Variants in CNTN5 observed in about 807,000 individuals in gnomAD.
The protein encoded by CNTN5 is contactin-5.
CNTN5 carries 77 observed loss-of-function variants against 129.1 expected under a neutral mutation model. That is an observed-to-expected ratio of 0.60 (90% CI 0.50 to 0.72). The LOEUF (loss-of-function observed/expected upper bound fraction) is 0.72. Among genes scored for constraint, CNTN5 ranks in the 30% least tolerant of loss-of-function variants. The pLI is 0.00. For synonymous variants in CNTN5, 509 were observed against 465.6 expected (o/e 1.09, Z -1.20); for missense variants, 1,478 against 1,328.8 (o/e 1.11, Z -1.75).
chr11:99,240,290 T>C (rs116479979), intron 1 of CNTN5, among the ~76,000 whole-genome samples: 2 of 152,094 alleles, frequency 1.3e-5, no homozygotes, highest in African/African-American at 2.4e-5. Context: ...AAAAAATCTA[T>C]TCAGTGTGTG....
At chr11:99,956,716 C>T (rs1315927079) in intron 7 of CNTN5, 90 bp from the exon 8 acceptor site, 1 of 873,552 alleles carries the variant, frequency 1.1e-6, no homozygotes, top group Non-Finnish European at 1.9e-6. Flanking sequence ...TGCAATATAT[C>T]TAATGCTTTC....
intron 3 of CNTN5, among the ~76,000 whole-genome samples, chr11:99,703,892 G>A (rs553809801): frequency 2.0e-5 from 3 of 151,128 alleles, no homozygotes; most frequent in South Asian, 4.1e-4. Context: ...TATATAAAAT[G>A]TATGATATAT....
At chr11:99,767,988 G>T (rs998838360) in intron 3 of CNTN5, among the ~76,000 whole-genome samples, 2 of 152,012 alleles carry the variant, frequency 1.3e-5, no homozygotes, top group African/African-American at 4.8e-5. Context: ...CTTGTCATCT[G>T]CTTCTATCAG....
At chr11:99,599,095 G>T (rs981130580) in intron 3 of CNTN5, among the ~76,000 whole-genome samples, 1 of 151,798 alleles carries the variant, frequency 6.6e-6, no homozygotes, top group Non-Finnish European at 1.5e-5. Flanking sequence ...ATGGTTAATT[G>T]ATTTTAAAGC....
intron 2 of CNTN5, among the ~76,000 whole-genome samples, chr11:99,325,850 C>T (rs961292833): frequency 6.6e-6 from 1 of 152,154 alleles, no homozygotes; most frequent in African/African-American, 2.4e-5. Context: ...ATATCTTTCT[C>T]AACCGACATA....
intron 2 of CNTN5, among the ~76,000 whole-genome samples, chr11:99,535,072 T>A (rs1348667783): frequency 6.6e-6 from 1 of 152,174 alleles, no homozygotes; most frequent in African/African-American, 2.4e-5. Flanking sequence ...AGATGAAGAA[T>A]ATAGTCTGCA....
intron 2 of CNTN5, among the ~76,000 whole-genome samples, chr11:99,416,478 G>T (rs959919200): frequency 6.6e-6 from 1 of 151,934 alleles, no homozygotes; most frequent in Non-Finnish European, 1.5e-5. Context: ...GGTGAGATGG[G>T]TTCTCAGTAT....
rs1304534702 is a variant in CNTN5, at chr11:100,352,968, T to C, written c.3199+2098T>C. On this transcript the variant is annotated intron_variant, in intron 24 of 24. Coordinates refer to ENST00000524871, the MANE Select transcript of CNTN5 (RefSeq NM_014361.4). ...CTGGGATTAAACTAGGTGTTTTCTATATATTATTTTATCTTTCTAGCAATC... is the reference window on the plus strand; with the variant it reads ...CTGGGATTAAACTAGGTGTTTTCTACATATTATTTTATCTTTCTAGCAATC... Among the ~76,000 whole-genome samples the C allele has an allele frequency of 2.6e-5, 4 of 151,602 alleles. No individual in the cohort carries two copies. The Admixed American group carries it at 2.6e-4, about 10-fold the overall frequency.
chr11:99,601,464 T>C (rs1316945938), intron 3 of CNTN5, among the ~76,000 whole-genome samples: 2 of 152,208 alleles, frequency 1.3e-5, no homozygotes, highest in African/African-American at 4.8e-5. Flanking sequence ...GAAAAGATCC[T>C]TAAATCACAC....
At chr11:99,907,499 G>T (rs1028944694) in intron 6 of CNTN5, among the ~76,000 whole-genome samples, 3 of 151,708 alleles carry the variant, frequency 2.0e-5, no homozygotes, top group Admixed American at 6.6e-5. Flanking sequence ...GTGTATCCTG[G>T]AATCTTAGAA....
At chr11:99,609,278 C>A (rs768864802) in intron 3 of CNTN5, among the ~76,000 whole-genome samples, 4 of 151,824 alleles carry the variant, frequency 2.6e-5, no homozygotes, top group Non-Finnish European at 5.9e-5. Context: ...ATATATAGAC[C>A]CAAAGAGATA....
At chr11:100,085,103 G>T (rs971757123) in intron 13 of CNTN5, among the ~76,000 whole-genome samples, 2 of 152,176 alleles carry the variant, frequency 1.3e-5, no homozygotes, top group African/African-American at 4.8e-5. Context: ...TTTGGGGAGA[G>T]AATGAATAGG....
chr11:100,325,468 A>G (rs1230285533), intron 21 of CNTN5, among the ~76,000 whole-genome samples: 1 of 152,150 alleles, frequency 6.6e-6, no homozygotes, highest in African/African-American at 2.4e-5. Context: ...GGTATAAAAC[A>G]AAGTTATCAG....
intron 1 of CNTN5, among the ~76,000 whole-genome samples, chr11:99,074,281 T>A (rs1296609173): frequency 1.3e-5 from 2 of 152,072 alleles, no homozygotes; most frequent in Non-Finnish European, 2.9e-5. Flanking sequence ...TATTAGACCT[T>A]TGTCAGATGG....
chr11:99,795,517 T>A (rs536737392), intron 3 of CNTN5, among the ~76,000 whole-genome samples: 2 of 152,310 alleles, frequency 1.3e-5, no homozygotes, highest in East Asian at 1.9e-4. Context: ...TTGCCAGATA[T>A]GTTGTGCTGG....
intron 7 of CNTN5, among the ~76,000 whole-genome samples, chr11:99,931,866 G>A (rs560936931): frequency 5.3e-5 from 8 of 152,106 alleles, no homozygotes; most frequent in Admixed American, 3.9e-4. Context: ...GGAAAGTTAC[G>A]ATATCCTTCT....
chr11:99,310,665 A>T (rs761089641), intron 1 of CNTN5, among the ~76,000 whole-genome samples: 1 of 152,162 alleles, frequency 6.6e-6, no homozygotes, highest in Non-Finnish European at 1.5e-5. Flanking sequence ...TATTTTTGTG[A>T]TACTTTTATT....
Position 99,136,607 on chromosome 11 carries a change from T to C in CNTN5, c.-210+115337T>C, listed in dbSNP as rs147384950. On this transcript the variant is annotated intron_variant, in intron 1 of 24. Coordinates refer to ENST00000524871, the MANE Select transcript of CNTN5 (RefSeq NM_014361.4). ...GAACCAACATCCATTCTTTTACCAA[T>C]CAAACATATTTTCATGTCTGAAATA... 3.0e-3 allele frequency among the ~76,000 whole-genome samples: 454 copies of C among 152,232 alleles called. 2 individuals are homozygous for C. The highest frequency in any genetic ancestry group is 0.01 in the African/African-American group (431 of 41,558).
chr11:99,995,086 C>G (rs756133034), intron 8 of CNTN5, among the ~76,000 whole-genome samples: 4 of 152,146 alleles, frequency 2.6e-5, no homozygotes, highest in African/African-American at 7.2e-5. Flanking sequence ...TTATCAGGCT[C>G]TTGATGTGCA....
Sources: gnomAD v4.1 joint callset for allele counts (sites outside exome capture counted in the v4.1 genomes callset) on GRCh38, gnomAD v4.1.1 for gene constraint, MANE v1.5 for transcripts, NCBI Gene and HGNC (gene_info 2026-07-23, HGNC 2026-07-21) for gene names.